NDUFS4: variants seen among roughly 807,000 people sequenced by gnomAD.
NDUFS4 encodes the protein NADH dehydrogenase [ubiquinone] iron-sulfur protein 4, mitochondrial.
Under a neutral mutation model 24.3 loss-of-function variants are expected in NDUFS4, and 28 were observed. The ratio of observed to expected loss-of-function variants is 1.15; its 90% CI spans 0.85 to 1.58. The LOEUF (loss-of-function observed/expected upper bound fraction) is 1.58, where lower values mean the gene tolerates loss of function less well. Among genes scored for constraint, NDUFS4 ranks in the 40% most tolerant of loss-of-function variants. NDUFS4 has a pLI of 0.00. For missense variants in NDUFS4, 223 were observed against 207.9 expected (o/e 1.07, Z -0.45); for synonymous variants, 93 against 69.7 (o/e 1.34, Z -1.67).
intron 2 of NDUFS4, among the ~76,000 whole-genome samples, chr5:53,605,412 CTCT>C (rs1750468041): frequency 6.6e-6 from 1 of 152,094 alleles, no homozygotes; most frequent in South Asian, 2.1e-4. Flanking sequence ...CTTCTAAGTT[CTCT>C]TCTTTCTAGT....
chr5:53,591,376 C>T (rs1273413048), intron 1 of NDUFS4, among the ~76,000 whole-genome samples: 1 of 145,330 alleles, frequency 6.9e-6, no homozygotes, highest in Non-Finnish European at 1.5e-5. Context: ...ATGGCTGTGT[C>T]ATTTTACATT....
intron 1 of NDUFS4, among the ~76,000 whole-genome samples, chr5:53,600,705 A>C (rs1050815416): frequency 6.6e-6 from 1 of 152,210 alleles, no homozygotes; most frequent in Non-Finnish European, 1.5e-5. Context: ...TTTTCTCCAC[A>C]TCTGATATTT....
intron 2 of NDUFS4, among the ~76,000 whole-genome samples, chr5:53,635,364 C>A (rs1232801070): frequency 1.4e-5 from 2 of 147,604 alleles, no homozygotes; most frequent in Admixed American, 6.8e-5. Flanking sequence ...AAAAAAAATG[C>A]AAAAAATTAG....
At chr5:53,581,489 C>CA (rs570854251) in intron 1 of NDUFS4, among the ~76,000 whole-genome samples, 2 of 152,226 alleles carry the variant, frequency 1.3e-5, no homozygotes, top group East Asian at 3.9e-4. Context: ...TCCAGCTGTA[C>CA]ATAAACTCTA....
At chr5:53,633,488 C>T (rs570886724) in intron 2 of NDUFS4, among the ~76,000 whole-genome samples, 5 of 152,152 alleles carry the variant, frequency 3.3e-5, no homozygotes, top group Admixed American at 6.5e-5. Context: ...TAAGTTTCTG[C>T]AGTCTATTAC....
At chr5:53,643,083 TC>T (rs1751749172) in intron 2 of NDUFS4, among the ~76,000 whole-genome samples, 3 of 152,156 alleles carry the variant, frequency 2.0e-5, no homozygotes. Context: ...ATTCAATAAA[TC>T]TGTGTATATT....
intron 2 of NDUFS4, among the ~76,000 whole-genome samples, chr5:53,643,923 A>G (rs777740983): frequency 1.2e-4 from 18 of 152,304 alleles, no homozygotes; most frequent in Admixed American, 3.9e-4. Flanking sequence ...GTAAGATACC[A>G]ATAAATAATT....
intron 2 of NDUFS4, among the ~76,000 whole-genome samples, chr5:53,616,273 A>G (rs888688208): frequency 2.6e-5 from 4 of 152,038 alleles, no homozygotes; most frequent in African/African-American, 9.7e-5. Flanking sequence ...ACAAAGCACA[A>G]CAACCATGTC....
chr5:53,604,790 CT>C (rs1248251225), intron 2 of NDUFS4: 2 of 456,150 alleles, frequency 4.4e-6, no homozygotes, highest in African/African-American at 4.0e-5. Flanking sequence ...ACTTGCTACT[CT>C]TTTTCCTGCT....
In NDUFS4 at chr5:53,646,305, C is replaced by G; in HGVS notation, c.250C>G (p.Arg84Gly). 1 of 1,613,060 alleles carries G rather than the reference C, an allele frequency of 6.2e-7. No homozygotes were observed. The highest frequency in any genetic ancestry group is 8.5e-7 in the Non-Finnish European group (1 of 1,179,444). The change falls in exon 3 of 5, where the codon CGC (arginine) becomes GGC (glycine). Residue 84 changes from arginine to glycine, a missense_variant. Physicochemically the swap from Arg to Gly is moderately radical, Grantham distance 125. Coordinates refer to ENST00000296684, the MANE Select transcript of NDUFS4 (RefSeq NM_002495.4). Reference sequence around the variant, plus strand: ...AAAAGTCAGGATCTTTGTTCCTGCTCGCAATAACATGCAGTCTGGAGTAAA... The same window carrying G: ...AAAAGTCAGGATCTTTGTTCCTGCTGGCAATAACATGCAGTCTGGAGTAAA... ...TRKVRIFVPA[R>G]NNMQSGVNNT...
intron 2 of NDUFS4, among the ~76,000 whole-genome samples, chr5:53,629,284 G>A (rs1751326673): frequency 6.6e-6 from 1 of 152,164 alleles, no homozygotes; most frequent in African/African-American, 2.4e-5. Flanking sequence ...TTGCTGAGGA[G>A]TGTTTTACTT....
chr5:53,632,937 A>G (rs1309886684), intron 2 of NDUFS4, among the ~76,000 whole-genome samples: 2 of 152,232 alleles, frequency 1.3e-5, no homozygotes, highest in Admixed American at 1.3e-4. Context: ...TCAGTTATTG[A>G]TGTTCTCAAT....
At chr5:53,649,395 G>T (rs1032603964) in intron 3 of NDUFS4, among the ~76,000 whole-genome samples, 2 of 152,022 alleles carry the variant, frequency 1.3e-5, no homozygotes, top group African/African-American at 4.8e-5. Flanking sequence ...AGTGTTTATT[G>T]TTTCCATCTT....
At chr5:53,585,819 A>G (rs939264324) in intron 1 of NDUFS4, among the ~76,000 whole-genome samples, 1 of 149,616 alleles carries the variant, frequency 6.7e-6, no homozygotes, top group Non-Finnish European at 1.5e-5. Context: ...ATTTATTTTT[A>G]TGTGTCCTTT....
At chr5:53,675,438 A>G (rs1271353848) in intron 4 of NDUFS4, among the ~76,000 whole-genome samples, 1 of 152,182 alleles carries the variant, frequency 6.6e-6, no homozygotes, top group African/African-American at 2.4e-5. Context: ...CTGGGATTAC[A>G]GGCGTGAGCC....
chr5:53,566,787 G>T (rs1749040552), intron 1 of NDUFS4, among the ~76,000 whole-genome samples: 1 of 150,356 alleles, frequency 6.7e-6, no homozygotes, highest in African/African-American at 2.4e-5. Context: ...AGGAAATAAT[G>T]AAAAGAAAAA....
chr5:53,605,971 G>A (rs750510671), intron 2 of NDUFS4, among the ~76,000 whole-genome samples: 68 of 146,368 alleles, frequency 4.6e-4, no homozygotes, highest in Non-Finnish European at 7.3e-4. Flanking sequence ...CCAAGATTGC[G>A]CCACTGCACT....
intron 2 of NDUFS4, among the ~76,000 whole-genome samples, chr5:53,618,780 A>G (rs913479000): frequency 2.0e-5 from 3 of 152,092 alleles, no homozygotes; most frequent in Admixed American, 6.5e-5. Flanking sequence ...ACTTATTCCT[A>G]TTATTATATT....
intron 2 of NDUFS4, among the ~76,000 whole-genome samples, chr5:53,625,491 T>C (rs1209202398): frequency 6.6e-6 from 1 of 152,198 alleles, no homozygotes; most frequent in African/African-American, 2.4e-5. Flanking sequence ...AACACTTATA[T>C]TGTACTGCTT....
Sources: allele counts gnomAD v4.1 joint callset (sites outside exome capture counted in the v4.1 genomes callset), GRCh38; gene constraint gnomAD v4.1.1; transcripts MANE v1.5; gene names NCBI Gene and HGNC (gene_info 2026-07-23, HGNC 2026-07-21).